CLCN3: variants seen among roughly 807,000 people sequenced by gnomAD.
The protein encoded by CLCN3 is H(+)/Cl(-) exchange transporter 3.
CLCN3 carries 16 observed loss-of-function variants against 83.4 expected under a neutral mutation model. That is an observed-to-expected ratio of 0.19 (90% CI 0.13 to 0.29). The LOEUF (loss-of-function observed/expected upper bound fraction) is 0.29. Among genes scored for constraint, CLCN3 ranks in the 10% least tolerant of loss-of-function variants. CLCN3 has a pLI of 1.00. For synonymous variants in CLCN3, 322 were observed against 346.2 expected (o/e 0.93, Z 0.78); for missense variants, 544 against 1,006.0 (o/e 0.54, Z 6.21).
intron 12 of CLCN3, chr4:169,717,855 C>T (rs774730580): frequency 8.7e-6 from 14 of 1,610,866 alleles, no homozygotes; most frequent in African/African-American, 5.3e-5. Flanking sequence ...TAAAGCAGCA[C>T]GTCGAACCCT....
At chr4:169,689,294 T>A in intron 5 of CLCN3, 64 bp downstream of exon 5, 3 of 1,388,830 alleles carry the variant, frequency 2.2e-6, no homozygotes, top group Non-Finnish European at 3.0e-6. Context: ...CCAATTCATT[T>A]AATTATAGAA....
chr4:169,673,267 T>G (rs552425814), intron 2 of CLCN3, among the ~76,000 whole-genome samples: 2 of 152,240 alleles, frequency 1.3e-5, no homozygotes, highest in African/African-American at 4.8e-5. Flanking sequence ...TCAGAGATTT[T>G]GAATTGCTGA....
chr4:169,694,712 G>A (rs1024184608), intron 7 of CLCN3, among the ~76,000 whole-genome samples: 31 of 152,054 alleles, frequency 2.0e-4, no homozygotes, highest in African/African-American at 7.2e-4. Flanking sequence ...GGTGGCAGGC[G>A]CCTGTAATCC....
intron 11 of CLCN3, among the ~76,000 whole-genome samples, chr4:169,711,404 C>T (rs747696889): frequency 4.6e-5 from 7 of 152,160 alleles, no homozygotes; most frequent in Non-Finnish European, 7.4e-5. Flanking sequence ...ACTCTTGTTG[C>T]CTGGGCTGGA....
intron 1 of CLCN3, among the ~76,000 whole-genome samples, chr4:169,632,692 G>T (rs1417596043): frequency 1.4e-5 from 2 of 145,226 alleles, no homozygotes; most frequent in Non-Finnish European, 3.0e-5. Flanking sequence ...ACTCCAGCCT[G>T]GGTGACAGAG....
chr4:169,714,234 C>G (rs949181407), intron 12 of CLCN3, among the ~76,000 whole-genome samples: 2 of 151,610 alleles, frequency 1.3e-5, no homozygotes, highest in African/African-American at 4.8e-5. Context: ...TAATCCTGAA[C>G]AGCGTAAAGC....
At chr4:169,628,140 C>T (rs560388468) in intron 1 of CLCN3, among the ~76,000 whole-genome samples, 1 of 152,288 alleles carries the variant, frequency 6.6e-6, no homozygotes, top group South Asian at 2.1e-4. Flanking sequence ...ACCTATGTCT[C>T]ATACCCTGTG....
intron 1 of CLCN3, among the ~76,000 whole-genome samples, chr4:169,623,399 T>A (rs1293303055): frequency 6.6e-6 from 1 of 152,228 alleles, no homozygotes; most frequent in East Asian, 1.9e-4. Flanking sequence ...TGACAGATAA[T>A]CATTGTGTAT....
intron 7 of CLCN3, among the ~76,000 whole-genome samples, chr4:169,693,511 A>C (rs932532014): frequency 1.3e-5 from 2 of 152,214 alleles, no homozygotes; most frequent in Admixed American, 1.3e-4. Flanking sequence ...CTACATACCT[A>C]GTAAGTGGTG....
chr4:169,673,810 T>G (rs1288573164), intron 2 of CLCN3, among the ~76,000 whole-genome samples: 2 of 152,206 alleles, frequency 1.3e-5, no homozygotes, highest in South Asian at 4.1e-4. Flanking sequence ...ATTCTCCAAG[T>G]ACGATATATG....
chr4:169,671,434 C>T (rs1731452815), intron 2 of CLCN3, among the ~76,000 whole-genome samples: 1 of 152,014 alleles, frequency 6.6e-6, no homozygotes, highest in Non-Finnish European at 1.5e-5. Context: ...ACATCACACA[C>T]CGAGGCCTGT....
chr4:169,697,796 A>G (rs747664314), intron 9 of CLCN3, 62 bp downstream of exon 9: 1 of 1,060,698 alleles, frequency 9.4e-7, no homozygotes, highest in Non-Finnish European at 1.4e-6. Flanking sequence ...TATATGTGGA[A>G]TGAGAGAGGT....
intron 2 of CLCN3, among the ~76,000 whole-genome samples, chr4:169,649,396 A>G (rs963269589): frequency 6.6e-6 from 1 of 152,236 alleles, no homozygotes; most frequent in Admixed American, 6.5e-5. Flanking sequence ...ATTTAAGAAG[A>G]TCATTCAGAG....
At chr4:169,686,419 CTTTT>C (rs34609299) in intron 3 of CLCN3, among the ~76,000 whole-genome samples, 1 of 141,610 alleles carries the variant, frequency 7.1e-6, no homozygotes. Context: ...TGAAAATTGA[CTTTT>C]TTTTTTTTTT....
chr4:169,654,750 C>G (rs1055204088), intron 2 of CLCN3, among the ~76,000 whole-genome samples: 1 of 152,002 alleles, frequency 6.6e-6, no homozygotes, highest in South Asian at 2.1e-4. Flanking sequence ...AAATTTTTTG[C>G]AACTTGCATT....
chr4:169,683,055 C>A (rs1732009415), intron 3 of CLCN3, among the ~76,000 whole-genome samples: 1 of 152,116 alleles, frequency 6.6e-6, no homozygotes, highest in Non-Finnish European at 1.5e-5. Context: ...CTTGTATGAT[C>A]ATTAGGTAAA....
At chr4:169,626,515 A>G (rs982491593) in intron 1 of CLCN3, among the ~76,000 whole-genome samples, 1 of 152,368 alleles carries the variant, frequency 6.6e-6, no homozygotes, top group African/African-American at 2.4e-5. Flanking sequence ...TCCTTCTTCC[A>G]GGGTCTGGGG....
In CLCN3 at chr4:169,697,464, C is replaced by T; in HGVS notation, c.1293C>T (p.Val431=). ...TKFGKYPVLE[V]IIVAAITAVI... ...TTGGAAAGTATCCCGTTCTGGAAGT[C>T]ATTATTGTTGCAGCCATTACTGCTG... Residue 431 remains valine, a synonymous_variant, in exon 9 of 13, where the codon GTC becomes GTT. Coordinates refer to ENST00000513761, the MANE Select transcript of CLCN3 (RefSeq NM_001829.4). 3 of 1,614,176 alleles carry T rather than the reference C, an allele frequency of 1.9e-6. No individual in the cohort carries two copies. Among genetic ancestry groups the T allele is most frequent in the Non-Finnish European group, 2.5e-6 (3 of 1,180,022 alleles).
intron 2 of CLCN3, among the ~76,000 whole-genome samples, chr4:169,654,781 A>G (rs769264515): frequency 2.6e-5 from 4 of 152,172 alleles, no homozygotes; most frequent in Non-Finnish European, 5.9e-5. Flanking sequence ...AAAAAAGTCA[A>G]CTTTTGTAAA....
Sources: allele counts gnomAD v4.1 joint callset (sites outside exome capture counted in the v4.1 genomes callset), GRCh38; gene constraint gnomAD v4.1.1; transcripts MANE v1.5; gene names NCBI Gene and HGNC (gene_info 2026-07-23, HGNC 2026-07-21).